CUL5: variants seen among roughly 807,000 people sequenced by gnomAD.
The protein encoded by CUL5 is cullin-5.
In CUL5, 26 loss-of-function variants were observed where a neutral mutation model predicts 108.8. The observed-to-expected ratio is 0.24, with a 90% CI of 0.18 to 0.33. The LOEUF (loss-of-function observed/expected upper bound fraction) is 0.33, where lower values mean the gene tolerates loss of function less well. Among genes scored for constraint, CUL5 ranks in the 10% least tolerant of loss-of-function variants. CUL5 has a pLI of 1.00. For synonymous variants in CUL5, 334 were observed against 298.0 expected, an observed-to-expected ratio of 1.12 and a Z score of -1.25; for missense variants, 524 against 909.2, an observed-to-expected ratio of 0.58 and a Z score of 5.45.
intron 7 of CUL5, among the ~76,000 whole-genome samples, chr11:108,057,025 G>C (rs1172665048): frequency 6.6e-6 from 1 of 152,142 alleles, no homozygotes; most frequent in Non-Finnish European, 1.5e-5. Flanking sequence ...TTAGCACCTG[G>C]ATGGGAATGT....
intron 7 of CUL5, among the ~76,000 whole-genome samples, chr11:108,068,489 C>A (rs1863745125): frequency 6.6e-6 from 1 of 151,932 alleles, no homozygotes; most frequent in African/African-American, 2.4e-5. Flanking sequence ...AAATTTTAAG[C>A]ATTTTTACAA....
intron 1 of CUL5, among the ~76,000 whole-genome samples, chr11:108,028,467 A>G (rs983757326): frequency 6.6e-6 from 1 of 152,138 alleles, no homozygotes; most frequent in African/African-American, 2.4e-5. Flanking sequence ...TCCTAATCCT[A>G]CACCCAGTTT....
chr11:108,040,611 CAAAA>C (rs71047667), intron 2 of CUL5, among the ~76,000 whole-genome samples: 4 of 112,700 alleles, frequency 3.5e-5, no homozygotes, highest in African/African-American at 1.5e-4. Context: ...GACTCCGTCT[CAAAA>C]AAAAAAAAAA....
At chr11:108,083,354 G>A (rs1864145574) in intron 11 of CUL5, among the ~76,000 whole-genome samples, 1 of 152,172 alleles carries the variant, frequency 6.6e-6, no homozygotes, top group African/African-American at 2.4e-5. Context: ...ATTACTGTTA[G>A]TGCTACAGAG....
chr11:108,091,015 C>T (rs1037073265), intron 13 of CUL5, among the ~76,000 whole-genome samples: 4 of 152,056 alleles, frequency 2.6e-5, no homozygotes, highest in Admixed American at 6.6e-5. Flanking sequence ...ATATTTACTA[C>T]GAGAAACCTT....
rs556175762 is a variant in CUL5, at chr11:108,103,444, G to A, written c.2149-746G>A. Among the ~76,000 whole-genome samples the A allele has an allele frequency of 1.9e-3, 286 of 148,202 alleles. 3 individuals are homozygous for A. Among genetic ancestry groups the A allele is most frequent in the Non-Finnish European group, 3.1e-3 (211 of 67,932 alleles). On this transcript the variant is annotated intron_variant, in intron 18 of 18. Transcript: ENST00000393094. ...AAAAAAACCTTAAAAACATTTAATT[G>A]AGTCAATATAAACTGAAGATAATAT...
At chr11:108,041,890 C>T (rs1265171331) in intron 2 of CUL5, among the ~76,000 whole-genome samples, 1 of 152,194 alleles carries the variant, frequency 6.6e-6, no homozygotes, top group Non-Finnish European at 1.5e-5. Flanking sequence ...CCGCACCAGG[C>T]CCCATCAGCT....
At chr11:108,023,472 T>A (rs1017350537) in intron 1 of CUL5, among the ~76,000 whole-genome samples, 1 of 152,220 alleles carries the variant, frequency 6.6e-6, no homozygotes, top group Non-Finnish European at 1.5e-5. Context: ...AACAAAATTT[T>A]AAAATTCCTT....
At chr11:108,088,834 T>G (rs1053010624) in intron 12 of CUL5, among the ~76,000 whole-genome samples, 175 bp downstream of exon 12, 1 of 152,156 alleles carries the variant, frequency 6.6e-6, no homozygotes, top group Non-Finnish European at 1.5e-5. Flanking sequence ...TTCTGAAAAT[T>G]TTTATTCTAC....
intron 11 of CUL5, among the ~76,000 whole-genome samples, chr11:108,083,845 T>C (rs757845508): frequency 5.5e-4 from 84 of 152,248 alleles, no homozygotes; most frequent in Admixed American, 1.5e-3. Flanking sequence ...ATAGGTGGTG[T>C]GGCTATTGGA....
chr11:108,016,617 C>A (rs1862199221), intron 1 of CUL5, among the ~76,000 whole-genome samples: 1 of 152,096 alleles, frequency 6.6e-6, no homozygotes, highest in Non-Finnish European at 1.5e-5. Flanking sequence ...GAGCCATTTG[C>A]CTCCTGCCTT....
intron 18 of CUL5, among the ~76,000 whole-genome samples, chr11:108,103,142 G>A (rs752885515): frequency 6.6e-6 from 1 of 152,126 alleles, no homozygotes; most frequent in Admixed American, 6.6e-5. Flanking sequence ...ACTGGAAAAG[G>A]TAAAAGAGAA....
chr11:108,072,261 T>G, intron 8 of CUL5, 71 bp from the exon 9 acceptor site: 1 of 1,252,782 alleles, frequency 8.0e-7, no homozygotes, highest in Non-Finnish European at 1.1e-6. Context: ...CATTACAAAC[T>G]TAACTAATGT....
intron 16 of CUL5, among the ~76,000 whole-genome samples, chr11:108,096,198 A>C (rs867742055): frequency 1.3e-5 from 2 of 150,856 alleles, no homozygotes; most frequent in African/African-American, 4.9e-5. Context: ...AGTGCTTCAA[A>C]AAAAAGGAGA....
chr11:108,068,448 C>G (rs999271042), intron 7 of CUL5, among the ~76,000 whole-genome samples: 1 of 152,030 alleles, frequency 6.6e-6, no homozygotes, highest in Non-Finnish European at 1.5e-5. Flanking sequence ...CCCCCCAACT[C>G]GCAGGGACCA....
At chr11:108,086,172 CTG>C (rs1864218158) in intron 11 of CUL5, among the ~76,000 whole-genome samples, 1 of 152,154 alleles carries the variant, frequency 6.6e-6, no homozygotes, top group Non-Finnish European at 1.5e-5. Context: ...TTAAGGGTGT[CTG>C]TGAATCCCAA....
In CUL5 at chr11:108,046,259, T is replaced by G; in HGVS notation, c.135-11T>G. ...ATTATTAATGTTTGTTTACCTACTT[T>G]ATATTCACAGGGATGTGCATGCAGT... On this transcript the variant is annotated splice_polypyrimidine_tract_variant and intron_variant, in intron 2 of 18. Transcript: ENST00000393094. 6.4e-7 allele frequency: 1 copy of G among 1,569,136 alleles called. No homozygotes were observed. The highest frequency in any genetic ancestry group is 1.1e-5 in the South Asian group (1 of 87,164).
chr11:108,060,338 A>G (rs1375956807), intron 7 of CUL5, among the ~76,000 whole-genome samples: 4 of 152,224 alleles, frequency 2.6e-5, no homozygotes, highest in African/African-American at 4.8e-5. Context: ...ATATCCTTGT[A>G]TGGTTAAGGG....
chr11:108,100,486 G>T (rs1864630446), intron 18 of CUL5, among the ~76,000 whole-genome samples: 1 of 152,204 alleles, frequency 6.6e-6, no homozygotes, highest in African/African-American at 2.4e-5. Context: ...AGAGGTTGCA[G>T]TGAGCCTAGA....
Sources: gnomAD v4.1 joint callset for allele counts (sites outside exome capture counted in the v4.1 genomes callset) on GRCh38, gnomAD v4.1.1 for gene constraint, MANE v1.5 for transcripts, NCBI Gene and HGNC (gene_info 2026-07-23, HGNC 2026-07-21) for gene names.